The following RFX3 variants were observed in gnomAD, a reference collection of about 807,000 sequenced individuals.
The protein encoded by RFX3 is transcription factor RFX3.
In RFX3, 14 loss-of-function variants were observed where a neutral mutation model predicts 98.6. The ratio of observed to expected loss-of-function variants is 0.14; its 90% confidence interval spans 0.09 to 0.22. The LOEUF is 0.22. RFX3 is among the 10% of genes least tolerant of loss of function. The probability of loss-of-function intolerance (pLI) is 1.00; values close to 1 mark genes in which losing one functional copy is unlikely to be tolerated. For synonymous variants in RFX3, 383 were observed against 328.4 expected, an observed-to-expected ratio of 1.17 and a Z score of -1.80; for missense variants, 639 against 926.9, an observed-to-expected ratio of 0.69 and a Z score of 4.03.
In RFX3 at chr9:3,525,941, GGA is replaced by G. The variant is rs145015971; in HGVS notation, c.-205_-204del. Reference sequence around the variant, plus strand: ...TAACTCACAAAAGAGAGAGAGAGAGGGAGAGAGAGAGAGAGCGAGAGGGAGAG... The same window carrying G: ...TAACTCACAAAAGAGAGAGAGAGAGGGAGAGAGAGAGAGCGAGAGGGAGAG... On this transcript the variant is annotated 5_prime_UTR_variant, in exon 1 of 17. Coordinates refer to ENST00000617270, the MANE Select transcript of RFX3 (RefSeq NM_001282116.2). The G allele has an allele frequency of 2.3e-3, 1,780 of 773,724 alleles. 1 individual carries two copies. The highest frequency in any genetic ancestry group is 4.2e-3 in the South Asian group (71 of 16,878). The allele number at this position is 773,724 out of a possible 1,614,324, so 47.9% of individuals were successfully genotyped here.
intron 14 of RFX3, among the ~76,000 whole-genome samples, chr9:3,250,771 A>G (rs1209875889): frequency 6.6e-6 from 1 of 152,140 alleles, no homozygotes; most frequent in African/African-American, 2.4e-5. Flanking sequence ...AAAAAAATGA[A>G]GTAGACATAA....
At chr9:3,486,660 C>T (rs1160405012) in intron 1 of RFX3, among the ~76,000 whole-genome samples, 1 of 152,128 alleles carries the variant, frequency 6.6e-6, no homozygotes, top group East Asian at 1.9e-4. Context: ...TAATCACCAG[C>T]TTTTGAATAT....
intron 9 of RFX3, among the ~76,000 whole-genome samples, chr9:3,271,671 G>C (rs574119082): frequency 9.9e-5 from 15 of 152,124 alleles, no homozygotes; most frequent in Admixed American, 2.0e-4. Flanking sequence ...TCAATTACCA[G>C]CAGTCCTCTT....
intron 2 of RFX3, among the ~76,000 whole-genome samples, chr9:3,348,322 T>G (rs1834686646): frequency 6.6e-6 from 1 of 152,118 alleles, no homozygotes; most frequent in Admixed American, 6.6e-5. Context: ...AGTTGACATA[T>G]AACAACTGGC....
intron 4 of RFX3, among the ~76,000 whole-genome samples, chr9:3,315,701 C>T (rs1431453054): frequency 1.3e-5 from 2 of 151,974 alleles, no homozygotes; most frequent in African/African-American, 2.4e-5. Flanking sequence ...ATATCACCAC[C>T]GATCTCATAG....
chr9:3,458,174 A>G (rs769072655), intron 1 of RFX3, among the ~76,000 whole-genome samples: 6 of 152,198 alleles, frequency 3.9e-5, no homozygotes, highest in Non-Finnish European at 8.8e-5. Flanking sequence ...TAATTCCAAG[A>G]GATAACTTAA....
intron 1 of RFX3, chr9:3,452,490 A>G (rs74657343): frequency 0.017 from 2,599 of 157,200 alleles, 76 homozygotes; most frequent in African/African-American, 0.059. Context: ...CTACTACGGA[A>G]GCTGAGGCAG....
chr9:3,470,318 C>CTTTT (rs1022376234), intron 1 of RFX3, among the ~76,000 whole-genome samples: 1 of 142,294 alleles, frequency 7.0e-6, no homozygotes, highest in Non-Finnish European at 1.5e-5. Flanking sequence ...TTTCTTTTTC[C>CTTTT]TTTTTTTTTT....
At chr9:3,293,422 C>T (rs538343841) in intron 5 of RFX3, among the ~76,000 whole-genome samples, 164 bp from the exon 6 acceptor site, 8 of 152,252 alleles carry the variant, frequency 5.3e-5, no homozygotes, top group South Asian at 4.1e-4. Flanking sequence ...CCTTTGAAAA[C>T]GCTCAGAAAC....
chr9:3,281,646 T>C (rs1215050311), intron 7 of RFX3, among the ~76,000 whole-genome samples: 3 of 151,788 alleles, frequency 2.0e-5, no homozygotes, highest in Non-Finnish European at 1.5e-5. Flanking sequence ...CTAAAGTTGT[T>C]AATGATTAAG....
rs140900365 is a variant in RFX3 at position 3,522,197 on chromosome 9, C to G, written c.-9+3550G>C. Among the ~76,000 whole-genome samples the G allele has an allele frequency of 1.3e-3, 198 of 152,286 alleles. 1 individual carries two copies. Among genetic ancestry groups the G allele is most frequent in the East Asian group, 9.3e-3 (48 of 5,184 alleles). On this transcript the variant is annotated intron_variant, in intron 1 of 16. Transcript: ENST00000617270. ...TGAAAGTGACACCTGTTTAAAGCAG[C>G]CATCTGTCCCTAACAAGCCAGATTT...
chr9:3,305,160 G>A (rs1829129987), intron 4 of RFX3, among the ~76,000 whole-genome samples: 1 of 151,992 alleles, frequency 6.6e-6, no homozygotes, highest in African/African-American at 2.4e-5. Flanking sequence ...CCATATTTGG[G>A]AAATGGCAAG....
intron 4 of RFX3, among the ~76,000 whole-genome samples, chr9:3,311,776 C>A (rs755011412): frequency 6.6e-6 from 1 of 151,966 alleles, no homozygotes; most frequent in Non-Finnish European, 1.5e-5. Flanking sequence ...CCCAGCTACT[C>A]GGGAGGCTGA....
intron 7 of RFX3, among the ~76,000 whole-genome samples, chr9:3,286,053 G>C (rs2131556376): frequency 6.6e-6 from 1 of 151,714 alleles, no homozygotes; most frequent in East Asian, 1.9e-4. Context: ...TCAAATAATG[G>C]GCTTCAACTG....
At chr9:3,516,601 T>C (rs1564197636) in intron 1 of RFX3, among the ~76,000 whole-genome samples, 1 of 152,222 alleles carries the variant, frequency 6.6e-6, no homozygotes, top group Non-Finnish European at 1.5e-5. Context: ...TTTTTAGCTC[T>C]TCTTAAAAAC....
intron 2 of RFX3, among the ~76,000 whole-genome samples, chr9:3,390,990 A>G (rs999244502): frequency 5.3e-5 from 8 of 152,174 alleles, no homozygotes; most frequent in African/African-American, 1.9e-4. Flanking sequence ...ATGCCTCAAA[A>G]TTTTAAAAAT....
At chr9:3,386,219 C>A (rs1839700966) in intron 2 of RFX3, among the ~76,000 whole-genome samples, 1 of 151,766 alleles carries the variant, frequency 6.6e-6, no homozygotes, top group Admixed American at 6.6e-5. Context: ...GAGAAAGTGG[C>A]CAAAAGCCAA....
intron 1 of RFX3, among the ~76,000 whole-genome samples, chr9:3,438,021 G>C (rs1231994068): frequency 6.6e-6 from 1 of 151,880 alleles, no homozygotes; most frequent in African/African-American, 2.4e-5. Context: ...CTTGAATAAA[G>C]ACAGAAACAT....
intron 1 of RFX3, among the ~76,000 whole-genome samples, chr9:3,477,353 C>A (rs566902911): frequency 8.2e-4 from 125 of 152,268 alleles, no homozygotes; most frequent in African/African-American, 2.7e-3. Context: ...ACCTGAAAGA[C>A]TCCCTTTAAC....
Sources: allele counts gnomAD v4.1 joint callset (sites outside exome capture counted in the v4.1 genomes callset), GRCh38; gene constraint gnomAD v4.1.1; transcripts MANE v1.5; gene names NCBI Gene and HGNC (gene_info 2026-07-23, HGNC 2026-07-21).